FAM162A: variants seen among roughly 807,000 people sequenced by gnomAD.
FAM162A encodes protein FAM162A.
A neutral mutation model predicts 21.8 loss-of-function variants in FAM162A; 23 were observed. That is an observed-to-expected ratio of 1.05 (90% confidence interval 0.76 to 1.49). The LOEUF is 1.49. Among genes scored for constraint, FAM162A ranks in the 40% most tolerant of loss-of-function variants. The pLI is 0.00. For synonymous variants in FAM162A, 53 were observed against 61.3 expected, an observed-to-expected ratio of 0.86 and a Z score of 0.64; for missense variants, 165 against 186.4, an observed-to-expected ratio of 0.89 and a Z score of 0.67.
chr3:122,408,705 G>T (rs1284113514), intron 4 of FAM162A, among the ~76,000 whole-genome samples: 1 of 152,178 alleles, frequency 6.6e-6, no homozygotes, highest in African/African-American at 2.4e-5. Context: ...GGACAGGACT[G>T]TGAGCTTCTA....
At chr3:122,409,039 C>CA (rs1198673014) in intron 4 of FAM162A, among the ~76,000 whole-genome samples, 1 of 151,672 alleles carries the variant, frequency 6.6e-6, no homozygotes, top group Non-Finnish European at 1.5e-5. Context: ...GCCACATACC[C>CA]AATTCTTTTA....
rs2075701304 is a variant in FAM162A, at chr3:122,410,848, A to T, written c.*1017A>T. 6.6e-6 allele frequency: 1 copy of T among 152,196 alleles called. No homozygotes were observed. Among genetic ancestry groups the T allele is most frequent in the African/African-American group, 2.4e-5 (1 of 41,446 alleles). 9.4% of individuals were successfully genotyped at this position (152,196 alleles called of 1,614,324 possible). ...TGCCAATCTGTTCCATCCACCTGGG[A>T]TGTGAATCATCCCTCTCTCTGGTGT... On this transcript the variant is annotated 3_prime_UTR_variant, in exon 5 of 5. Coordinates refer to ENST00000477892, the MANE Select transcript of FAM162A (RefSeq NM_014367.4).
In FAM162A at chr3:122,386,574, A is replaced by G. The variant is rs1393068651; in HGVS notation, c.34+2275A>G. Among the ~76,000 whole-genome samples, 10 of 149,018 alleles carry G rather than the reference A, an allele frequency of 6.7e-5. No homozygotes were observed. The East Asian group carries it at 2.0e-3, about 30-fold the overall frequency. On this transcript the variant is annotated intron_variant, in intron 1 of 4. Coordinates refer to ENST00000477892, the MANE Select transcript of FAM162A (RefSeq NM_014367.4). ...CCCTGTCTAAAAAAAAAAAAAAAAAAGAAAAGAAGCATAATCTAGGCATAC... is the reference window on the plus strand; with the variant it reads ...CCCTGTCTAAAAAAAAAAAAAAAAAGGAAAAGAAGCATAATCTAGGCATAC...
intron 1 of FAM162A, chr3:122,401,479 T>C (rs2075653408): frequency 8.0e-7 from 1 of 1,246,536 alleles, no homozygotes; most frequent in Non-Finnish European, 1.0e-6. Context: ...AGAAGGGGGC[T>C]ATCTCTTCGC....
At chr3:122,395,565 T>C (rs2075623282) in intron 1 of FAM162A, among the ~76,000 whole-genome samples, 1 of 152,190 alleles carries the variant, frequency 6.6e-6, no homozygotes, top group Non-Finnish European at 1.5e-5. Context: ...AGACATCCCA[T>C]GTTCATGGTT....
chr3:122,389,533 T>C (rs1355957439), intron 1 of FAM162A, among the ~76,000 whole-genome samples: 2 of 152,200 alleles, frequency 1.3e-5, no homozygotes, highest in African/African-American at 2.4e-5. Context: ...CCATCAAAGA[T>C]GTATGTAGAG....
At chr3:122,388,965 C>T (rs573985783) in intron 1 of FAM162A, among the ~76,000 whole-genome samples, 2 of 151,656 alleles carry the variant, frequency 1.3e-5, no homozygotes, top group African/African-American at 2.4e-5. Flanking sequence ...AGGAGAATGG[C>T]GTGAAGCCGG....
chr3:122,410,103 G>A lies in FAM162A; in HGVS notation c.*272G>A, dbSNP rs1328647253. On this transcript the variant is annotated 3_prime_UTR_variant, in exon 5 of 5. Coordinates refer to ENST00000477892, the MANE Select transcript of FAM162A (RefSeq NM_014367.4). ...ACTTGAATACCAACTCTTCAGAGAA[G>A]CAGGTACCATATCTTACTTCTCTTC... 2.4e-6 allele frequency: 1 copy of A among 420,628 alleles called. No individual in the cohort carries two copies. Among genetic ancestry groups the A allele is most frequent in the South Asian group, 2.1e-5 (1 of 47,642 alleles). 26.1% of individuals were successfully genotyped at this position (420,628 alleles called of 1,614,324 possible).
chr3:122,387,003 A>G (rs1172256881), intron 1 of FAM162A, among the ~76,000 whole-genome samples: 2 of 152,096 alleles, frequency 1.3e-5, no homozygotes, highest in African/African-American at 2.4e-5. Flanking sequence ...TACCCACACT[A>G]CGCTGGGTTT....
chr3:122,387,071 G>T (rs1366551813), intron 1 of FAM162A, among the ~76,000 whole-genome samples: 1 of 152,186 alleles, frequency 6.6e-6, no homozygotes, highest in Non-Finnish European at 1.5e-5. Context: ...ACTTATTGGT[G>T]TTCAGTTCAT....
intron 4 of FAM162A, among the ~76,000 whole-genome samples, chr3:122,409,203 C>A (rs944239177): frequency 1.6e-4 from 24 of 152,236 alleles, no homozygotes; most frequent in Admixed American, 1.2e-3. Flanking sequence ...TTGCCTCCCC[C>A]ACTCAAAGGT....
intron 1 of FAM162A, among the ~76,000 whole-genome samples, chr3:122,386,639 A>T (rs556000301): frequency 6.6e-6 from 1 of 152,170 alleles, no homozygotes; most frequent in South Asian, 2.1e-4. Flanking sequence ...TTCTCTAGGT[A>T]AGTGAAATTT....
Position 122,409,080 on chromosome 3 carries a change from T to C in FAM162A, c.373-659T>C, listed in dbSNP as rs150203692. On this transcript the variant is annotated intron_variant, in intron 4 of 4. Transcript: ENST00000477892. ...GAAATTACACAGATAGAAGGAAATA[T>C]CAGCTTAGGGTGCTAGTTTCACTAT... 3.1e-4 allele frequency among the ~76,000 whole-genome samples: 45 copies of C among 145,442 alleles called. No individual in the cohort carries two copies. In the East Asian group the frequency reaches 7.3e-3, roughly 24 times the overall value.
At chr3:122,396,680 A>G (rs1241421935) in intron 1 of FAM162A, among the ~76,000 whole-genome samples, 7 of 152,204 alleles carry the variant, frequency 4.6e-5, no homozygotes, top group Non-Finnish European at 7.3e-5. Flanking sequence ...CTTGTACACA[A>G]ATGTTTATAA....
chr3:122,408,147 T>C (rs2075685345), intron 4 of FAM162A, among the ~76,000 whole-genome samples: 1 of 152,194 alleles, frequency 6.6e-6, no homozygotes, highest in Admixed American at 6.5e-5. Context: ...TGAGTGCTTA[T>C]TATGTAACAG....
chr3:122,401,406 A>C (rs1347172406), intron 1 of FAM162A: 44 of 1,079,296 alleles, frequency 4.1e-5, no homozygotes, highest in Non-Finnish European at 4.5e-5. Context: ...TTAATGGAAC[A>C]TAAGTGAGAT....
At chr3:122,401,736 C>A (rs531452855) in intron 1 of FAM162A, among the ~76,000 whole-genome samples, 2 of 152,102 alleles carry the variant, frequency 1.3e-5, no homozygotes, top group East Asian at 3.9e-4. Flanking sequence ...ACTTTTTCTT[C>A]TGTATGCCTG....
chr3:122,405,132 G>A (rs918616002), intron 3 of FAM162A, among the ~76,000 whole-genome samples: 1 of 152,164 alleles, frequency 6.6e-6, no homozygotes, highest in Non-Finnish European at 1.5e-5. Context: ...GACCCTGACT[G>A]GCTGGCATCT....
chr3:122,402,343 C>T (rs2075656991), intron 1 of FAM162A, among the ~76,000 whole-genome samples: 1 of 151,836 alleles, frequency 6.6e-6, no homozygotes, highest in Non-Finnish European at 1.5e-5. Flanking sequence ...ACTTGCTGAC[C>T]ACTGCAGCCC....
Sources: allele counts gnomAD v4.1 joint callset (sites outside exome capture counted in the v4.1 genomes callset), GRCh38; gene constraint gnomAD v4.1.1; transcripts MANE v1.5; gene names NCBI Gene and HGNC (gene_info 2026-07-23, HGNC 2026-07-21).